Variants in KIAA1614 observed in about 807,000 individuals in gnomAD.
KIAA1614 encodes uncharacterized protein KIAA1614.
A neutral mutation model predicts 88.7 loss-of-function variants in KIAA1614; 76 were observed. The observed-to-expected ratio is 0.86, with a 90% confidence interval of 0.71 to 1.04. The LOEUF is 1.04. Among genes scored for constraint, KIAA1614 ranks in the 50% least tolerant of loss-of-function variants. The pLI is 0.00. For synonymous variants in KIAA1614, 714 were observed against 675.5 expected (o/e 1.06, Z -0.88); for missense variants, 1,553 against 1,582.5 (o/e 0.98, Z 0.32).
intron 4 of KIAA1614, among the ~76,000 whole-genome samples, chr1:180,934,154 T>C (rs1291214904): frequency 2.0e-5 from 3 of 149,420 alleles, no homozygotes; most frequent in Non-Finnish European, 4.4e-5. Flanking sequence ...CTCGGGAGGC[T>C]GAGGCAGGAG....
intron 3 of KIAA1614, among the ~76,000 whole-genome samples, chr1:180,919,556 C>T (rs1653902708): frequency 6.6e-6 from 1 of 152,142 alleles, no homozygotes; most frequent in Non-Finnish European, 1.5e-5. Flanking sequence ...GTGGTGCCGC[C>T]TCTGCCTGCA....
At chr1:180,944,892 T>C (rs962403236) in intron 8 of KIAA1614, 2 of 260,778 alleles carry the variant, frequency 7.7e-6, no homozygotes, top group Non-Finnish European at 7.2e-6. Flanking sequence ...CCGTGACCCA[T>C]GACCTGCTTG....
intron 3 of KIAA1614, among the ~76,000 whole-genome samples, chr1:180,925,904 G>A (rs745497210): frequency 6.6e-6 from 1 of 152,172 alleles, no homozygotes; most frequent in Non-Finnish European, 1.5e-5. Context: ...CCCACCTTAT[G>A]GCATATCAGA....
chr1:180,917,176 G>A (rs964463799), intron 2 of KIAA1614, 76 bp downstream of exon 2: 3 of 1,171,864 alleles, frequency 2.6e-6, no homozygotes, highest in Non-Finnish European at 2.4e-6. Flanking sequence ...GGACGAGGGG[G>A]TCCCACAGAG....
At chr1:180,921,415 AT>A (rs1246733749) in intron 3 of KIAA1614, among the ~76,000 whole-genome samples, 19 of 152,296 alleles carry the variant, frequency 1.2e-4, no homozygotes, top group Non-Finnish European at 2.9e-5. Flanking sequence ...GCCTGACAGT[AT>A]TTATTGTTCC....
rs568246936 is a variant in KIAA1614 at position 180,915,258 on chromosome 1, T to G, written c.51-896T>G. ...CCCCATGCTGTGGTCCTGTGGCTTGTGCATCAGGGGTCAGGGGTGAGGTTG... is the reference window on the plus strand; with the variant it reads ...CCCCATGCTGTGGTCCTGTGGCTTGGGCATCAGGGGTCAGGGGTGAGGTTG... On this transcript the variant is annotated intron_variant, in intron 1 of 8. Transcript: ENST00000367588. Among the ~76,000 whole-genome samples, 4 of 152,362 alleles carry G rather than the reference T, an allele frequency of 2.6e-5. No homozygotes were observed. The East Asian group carries it at 7.7e-4, about 29-fold the overall frequency.
intron 4 of KIAA1614, among the ~76,000 whole-genome samples, chr1:180,932,332 G>C (rs1026363629): frequency 6.6e-6 from 1 of 151,960 alleles, no homozygotes; most frequent in East Asian, 1.9e-4. Flanking sequence ...TATGACTTTC[G>C]GGGGCCCTAG....
intron 2 of KIAA1614, among the ~76,000 whole-genome samples, 191 bp from the exon 3 acceptor site, chr1:180,917,660 C>T (rs759709797): frequency 2.6e-5 from 4 of 152,166 alleles, no homozygotes; most frequent in African/African-American, 7.2e-5. Context: ...GCATGTGGTC[C>T]TCTCAGCATA....
rs1284264762 is a variant in KIAA1614 at position 180,916,082 on chromosome 1, T to C, written c.51-72T>C. ...GGACAGGACTCAACGCCAAGACACTTTGGGGCCCCGGGAGGTTGTGGGGGT... is the reference window on the plus strand; with the variant it reads ...GGACAGGACTCAACGCCAAGACACTCTGGGGCCCCGGGAGGTTGTGGGGGT... On this transcript the variant is annotated intron_variant, in intron 1 of 8. Coordinates refer to ENST00000367588, the MANE Select transcript of KIAA1614 (RefSeq NM_020950.2). 16 of 1,234,130 alleles carry C rather than the reference T, an allele frequency of 1.3e-5. No homozygotes were observed. In the South Asian group the frequency reaches 1.4e-4, roughly 11 times the overall value. The allele number at this position is 1,234,130 out of a possible 1,614,324, so 76.4% of individuals were successfully genotyped here.
Position 180,935,062 on chromosome 1 carries a change from C to T in KIAA1614, c.1206-53C>T. 7.9e-7 allele frequency: 1 copy of T among 1,271,208 alleles called. No individual in the cohort carries two copies. Among genetic ancestry groups the T allele is most frequent in the South Asian group, 2.4e-5 (1 of 41,514 alleles). 78.7% of individuals were successfully genotyped at this position (1,271,208 alleles called of 1,614,324 possible). On this transcript the variant is annotated intron_variant, in intron 4 of 8. Transcript: ENST00000367588. The surrounding 1 kb of genome is among the most constrained non-coding windows in gnomAD (Gnocchi z 6.1). The stretch of plus-strand genomic sequence containing the variant: ...GGAGAGGGTAGGGCCGATGCGTGTC[C>T]ATACCTCCCCAGGTTTCTGCCCTTG...
intron 4 of KIAA1614, among the ~76,000 whole-genome samples, chr1:180,930,634 G>A (rs779625702): frequency 3.3e-5 from 5 of 152,192 alleles, no homozygotes; most frequent in Non-Finnish European, 5.9e-5. Context: ...TCTTCCTCAT[G>A]TCACTCTAGC....
Position 180,916,767 on chromosome 1 carries a change from G to A in KIAA1614, c.664G>A (p.Gly222Arg), listed in dbSNP as rs1371621439. The stretch of plus-strand genomic sequence containing the variant: ...CCATGGAGTTACTCCCGGACGGCCT[G>A]GGGGTCCTGGTCATTGTAACAAAAT... ...PIHGVTPGRP[G>R]GPGHCNKIIH... The change falls in exon 2 of 9, where the codon GGG (glycine) becomes AGG (arginine). Residue 222 changes from glycine to arginine, a missense_variant. Gly to Arg is a moderately radical substitution (Grantham distance 125). Transcript: ENST00000367588. 6.2e-7 allele frequency: 1 copy of A among 1,614,196 alleles called. No individual in the cohort carries two copies. The highest frequency in any genetic ancestry group is 8.5e-7 in the Non-Finnish European group (1 of 1,180,018).
Position 180,928,478 on chromosome 1 carries a change from A to G in KIAA1614, c.1110A>G (p.Glu370=). The G allele has an allele frequency of 6.2e-7, 1 of 1,613,368 alleles. No individual in the cohort carries two copies. Among genetic ancestry groups the G allele is most frequent in the Non-Finnish European group, 8.5e-7 (1 of 1,179,958 alleles). ...CTGTGCTGAGCCCCAGGCATGAGGA[A>G]GCCACGCATCTGCTGCAGCGTGCCC... is the stretch of plus-strand genomic sequence containing the variant. ...PEPVLSPRHE[E]ATHLLQRARM... The change falls in exon 4 of 9, where the codon GAA becomes GAG. Residue 370 remains glutamate (E), a synonymous_variant. Transcript: ENST00000367588.
intron 3 of KIAA1614, among the ~76,000 whole-genome samples, chr1:180,920,179 G>A (rs910863976): frequency 6.6e-6 from 1 of 152,170 alleles, no homozygotes. Context: ...CTATCCCCGA[G>A]TCTCCTGGGC....
At chr1:180,916,124 C>G (rs750927784) in intron 1 of KIAA1614, 30 bp from the exon 2 acceptor site, 1 of 1,515,690 alleles carries the variant, frequency 6.6e-7, no homozygotes, top group South Asian at 1.3e-5. Flanking sequence ...TGTGCTGGGT[C>G]TTAGGAACTC....
chr1:180,936,323 G>C lies in KIAA1614; in HGVS notation c.2414G>C (p.Gly805Ala), dbSNP rs759114914. The change falls in exon 5 of 9, where the codon GGC becomes GCC. Residue 805 changes from glycine to alanine, a missense_variant. By Grantham distance (60) the Gly-to-Ala change is moderately conservative. Transcript: ENST00000367588. ...WQPTASLCPE[G>A]WAPTPPPSRK... is the part of the protein sequence containing the mutation. ...CCAACAGCTTCCTTGTGTCCTGAAG[G>C]CTGGGCGCCAACCCCTCCCCCTTCG... 2 of 1,614,028 alleles carry C rather than the reference G, an allele frequency of 1.2e-6. No homozygotes were observed. The highest frequency in any genetic ancestry group is 1.3e-5 in the African/African-American group (1 of 74,926).
intron 3 of KIAA1614, among the ~76,000 whole-genome samples, chr1:180,927,156 C>T (rs1485188143): frequency 6.6e-6 from 1 of 152,156 alleles, no homozygotes; most frequent in Non-Finnish European, 1.5e-5. Context: ...ACATCTCTGT[C>T]ACCCAGGAAA....
In KIAA1614 at chr1:180,916,558, T is replaced by A. The variant is rs1378547822; in HGVS notation, c.455T>A (p.Leu152Gln). ...PRTQNLPDGQ[L>Q]DGSINEEQPA... Reference sequence around the variant, plus strand: ...ACCCAAAACCTGCCTGATGGGCAGCTGGACGGCAGCATCAATGAGGAGCAA... The same window carrying A: ...ACCCAAAACCTGCCTGATGGGCAGCAGGACGGCAGCATCAATGAGGAGCAA... Residue 152 changes from leucine (L) to glutamine (Q), a missense_variant, in exon 2 of 9, where the codon CTG becomes CAG. By Grantham distance (113) the Leu-to-Gln change is moderately radical (BLOSUM62 -2). Coordinates refer to ENST00000367588, the MANE Select transcript of KIAA1614 (RefSeq NM_020950.2). The A allele has an allele frequency of 6.2e-7, 1 of 1,612,004 alleles. No homozygotes were observed. Among genetic ancestry groups the A allele is most frequent in the Non-Finnish European group, 8.5e-7 (1 of 1,178,852 alleles).
chr1:180,922,946 G>T (rs1158575813), intron 3 of KIAA1614, among the ~76,000 whole-genome samples: 1 of 152,214 alleles, frequency 6.6e-6, no homozygotes, highest in Admixed American at 6.5e-5. Context: ...ATAAATCGGG[G>T]TTCCCACTGT....
Sources: gnomAD v4.1 joint callset for allele counts (sites outside exome capture counted in the v4.1 genomes callset) on GRCh38, gnomAD v4.1.1 for gene constraint, Gnocchi (gnomAD v3.1) non-coding constraint, MANE v1.5 for transcripts, NCBI Gene and HGNC (gene_info 2026-07-23, HGNC 2026-07-21) for gene names.